TNRC6B: variants seen among roughly 807,000 people sequenced by gnomAD.
TNRC6B encodes the protein trinucleotide repeat-containing gene 6B protein.
A neutral mutation model predicts 203.6 loss-of-function variants in TNRC6B; 52 were observed. That is an observed-to-expected ratio of 0.26 (90% CI 0.20 to 0.32). TNRC6B has a LOEUF of 0.32. Among genes scored for constraint, TNRC6B ranks in the 10% least tolerant of loss-of-function variants. The pLI is 1.00. For missense variants in TNRC6B, 1,923 were observed against 2,286.2 expected (o/e 0.84, Z 3.24); for synonymous variants, 838 against 845.7 (o/e 0.99, Z 0.16).
At chr22:40,317,427 A>G (rs1052188706) in intron 21 of TNRC6B, among the ~76,000 whole-genome samples, 5 of 152,092 alleles carry the variant, frequency 3.3e-5, no homozygotes, top group Admixed American at 2.6e-4. Flanking sequence ...AAAATACACA[A>G]ATTAGCTGGG....
chr22:40,075,156 A>ATATATATATATATATATATATATATTT, intron 1 of TNRC6B, among the ~76,000 whole-genome samples: 1 of 35,568 alleles, frequency 2.8e-5, no homozygotes, highest in African/African-American at 1.0e-4. Flanking sequence ...ATATATATAT[A>ATATATATATATATATATATATATATTT]TTTTTTTTTT....
chr22:40,223,923 A>G lies in TNRC6B; in HGVS notation c.6-22092A>G, dbSNP rs571057075. Among the ~76,000 whole-genome samples, 10 of 152,324 alleles carry G rather than the reference A, an allele frequency of 6.6e-5. No homozygotes were observed. In the East Asian group the frequency reaches 1.9e-3, roughly 29 times the overall value. Reference sequence around the variant, plus strand: ...TGCCTTTTTCTGTGTTACCTTGGACACAAGGTAACTGTGTGTTACCACCAA... The same window carrying G: ...TGCCTTTTTCTGTGTTACCTTGGACGCAAGGTAACTGTGTGTTACCACCAA... On this transcript the variant is annotated intron_variant, in intron 1 of 22. Transcript: ENST00000454349.
intron 1 of TNRC6B, among the ~76,000 whole-genome samples, chr22:40,188,755 C>T (rs1422103795): frequency 6.6e-6 from 1 of 152,076 alleles, no homozygotes; most frequent in Non-Finnish European, 1.5e-5. Context: ...TTGATTGGCT[C>T]TACTATAAAA....
chr22:40,117,369 T>G (rs1033763441), intron 2 of TNRC6B, among the ~76,000 whole-genome samples: 12 of 152,172 alleles, frequency 7.9e-5, no homozygotes, highest in Non-Finnish European at 1.6e-4. Flanking sequence ...ACTTAGTTAT[T>G]AGGATTATGT....
intron 21 of TNRC6B, among the ~76,000 whole-genome samples, chr22:40,318,495 C>G (rs1285535252): frequency 2.0e-5 from 3 of 151,846 alleles, no homozygotes; most frequent in Non-Finnish European, 4.4e-5. Flanking sequence ...TGGAGTGAGC[C>G]GAGATTGCGC....
intron 3 of TNRC6B, among the ~76,000 whole-genome samples, chr22:40,152,843 A>G (rs1468795722): frequency 6.6e-6 from 1 of 151,908 alleles, no homozygotes; most frequent in Non-Finnish European, 1.5e-5. Context: ...GCTCACACCT[A>G]TAATCCCAGC....
chr22:40,144,697 G>T (rs569770428), intron 3 of TNRC6B, among the ~76,000 whole-genome samples: 4 of 136,082 alleles, frequency 2.9e-5, no homozygotes, highest in African/African-American at 8.7e-5. Flanking sequence ...AAAAAAAAAT[G>T]AACTCTTGAT....
At chr22:40,123,269 TAGGG>T (rs2068460817) in intron 2 of TNRC6B, among the ~76,000 whole-genome samples, 1 of 151,570 alleles carries the variant, frequency 6.6e-6, no homozygotes, top group Non-Finnish European at 1.5e-5. Context: ...TGTTGGGGGA[TAGGG>T]AGGAGGAGTC....
chr22:40,201,442 T>TG (rs2069410679), intron 1 of TNRC6B, among the ~76,000 whole-genome samples: 1 of 151,836 alleles, frequency 6.6e-6, no homozygotes, highest in South Asian at 2.1e-4. Context: ...TTTTCTTTTT[T>TG]GTTTTTTTTT....
At chr22:40,133,441 G>T (rs1392940835) in intron 3 of TNRC6B, among the ~76,000 whole-genome samples, 1 of 152,016 alleles carries the variant, frequency 6.6e-6, no homozygotes, top group Non-Finnish European at 1.5e-5. Context: ...TCTGCATTTC[G>T]GGCACTTTTA....
chr22:40,239,176 G>T (rs971998860), intron 1 of TNRC6B, among the ~76,000 whole-genome samples: 1 of 151,906 alleles, frequency 6.6e-6, no homozygotes, highest in Admixed American at 6.6e-5. Flanking sequence ...GCACTGCAGC[G>T]TGGGTGACAG....
At chr22:40,254,439 G>C (rs2070238720) in intron 3 of TNRC6B, among the ~76,000 whole-genome samples, 1 of 152,166 alleles carries the variant, frequency 6.6e-6, no homozygotes, top group Non-Finnish European at 1.5e-5. Context: ...AGGGTTGCTT[G>C]AGCCCAGGAG....
intron 1 of TNRC6B, among the ~76,000 whole-genome samples, chr22:40,111,029 A>G (rs1753342563): frequency 6.6e-6 from 1 of 152,176 alleles, no homozygotes; most frequent in South Asian, 2.1e-4. Context: ...ACACATAAGC[A>G]AGCCTAGTGT....
rs543539485 is a variant in TNRC6B at position 40,218,919 on chromosome 22, T to C, written c.6-27096T>C. Among the ~76,000 whole-genome samples the C allele has an allele frequency of 2.6e-5, 4 of 152,340 alleles. No homozygotes were observed. In the East Asian group the frequency reaches 5.8e-4, roughly 22 times the overall value. On this transcript the variant is annotated intron_variant, in intron 1 of 22. Transcript: ENST00000454349. The stretch of plus-strand genomic sequence containing the variant: ...GATCCTGATGGGAAGGATGGAGTCA[T>C]TGGCAACAGTGGGACACTTTTGAGG...
At chr22:40,216,220 A>G (rs2069633214) in intron 1 of TNRC6B, among the ~76,000 whole-genome samples, 1 of 152,002 alleles carries the variant, frequency 6.6e-6, no homozygotes, top group African/African-American at 2.4e-5. Context: ...TTTAATTGTA[A>G]CTTCCTGGGG....
chr22:40,223,465 T>C (rs1017738724), intron 1 of TNRC6B, among the ~76,000 whole-genome samples: 15 of 152,264 alleles, frequency 9.9e-5, no homozygotes, highest in African/African-American at 3.6e-4. Flanking sequence ...TCAAGGAATC[T>C]CTGTTCACAT....
chr22:40,305,612 G>T (rs2071078929), intron 15 of TNRC6B, among the ~76,000 whole-genome samples: 1 of 152,122 alleles, frequency 6.6e-6, no homozygotes, highest in Admixed American at 6.5e-5. Context: ...AATTATGTCC[G>T]TCTTCGCCTG....
intron 1 of TNRC6B, among the ~76,000 whole-genome samples, chr22:40,076,633 C>T (rs916485417): frequency 6.6e-6 from 1 of 152,110 alleles, no homozygotes; most frequent in African/African-American, 2.4e-5. Context: ...GAACTCTTGG[C>T]CTCAAGCAGT....
At chr22:40,237,229 T>G (rs1424592678) in intron 1 of TNRC6B, among the ~76,000 whole-genome samples, 2 of 152,146 alleles carry the variant, frequency 1.3e-5, no homozygotes, top group East Asian at 3.8e-4. Flanking sequence ...CCTGGTACTT[T>G]CAAAACAGCA....
Sources: allele counts gnomAD v4.1 joint callset (sites outside exome capture counted in the v4.1 genomes callset), GRCh38; gene constraint gnomAD v4.1.1; transcripts MANE v1.5; gene names NCBI Gene and HGNC (gene_info 2026-07-23, HGNC 2026-07-21).